Variants in IL36B observed in about 807,000 individuals in gnomAD.
The protein encoded by IL36B is interleukin 36 beta.
IL36B carries 23 observed loss-of-function variants against 19.3 expected under a neutral mutation model. The observed-to-expected ratio is 1.19, with a 90% confidence interval of 0.86 to 1.69. The LOEUF (loss-of-function observed/expected upper bound fraction) is 1.69. Among genes scored for constraint, IL36B ranks in the 40% most tolerant of loss-of-function variants. IL36B has a pLI of 0.00. For missense variants in IL36B, 217 were observed against 200.5 expected (o/e 1.08, Z -0.50); for synonymous variants, 59 against 59.7 (o/e 0.99, Z 0.05).
intron 1 of IL36B, among the ~76,000 whole-genome samples, chr2:113,049,300 A>G (rs1685401526): frequency 6.6e-6 from 1 of 152,224 alleles, no homozygotes; most frequent in Non-Finnish European, 1.5e-5. Flanking sequence ...ACATTGGACT[A>G]CATCAAAATT....
intron 1 of IL36B, among the ~76,000 whole-genome samples, chr2:113,044,929 C>T (rs1685323634): frequency 6.6e-6 from 1 of 152,098 alleles, no homozygotes; most frequent in African/African-American, 2.4e-5. Flanking sequence ...TAATTTGTCA[C>T]AGTCTCCCAT....
chr2:113,050,709 G>GA (rs1193505828), intron 1 of IL36B, among the ~76,000 whole-genome samples: 3 of 152,040 alleles, frequency 2.0e-5, no homozygotes, highest in Non-Finnish European at 4.4e-5. Context: ...ATCAAAAACA[G>GA]CAAAAAGGGA....
intron 1 of IL36B, among the ~76,000 whole-genome samples, chr2:113,042,432 C>T (rs1351687486): frequency 6.6e-6 from 1 of 152,200 alleles, no homozygotes; most frequent in Non-Finnish European, 1.5e-5. Context: ...AAATCATGAA[C>T]ATATTCACCA....
chr2:113,048,373 C>T (rs1401169753), intron 1 of IL36B, among the ~76,000 whole-genome samples: 4 of 152,124 alleles, frequency 2.6e-5, no homozygotes, highest in African/African-American at 4.8e-5. Context: ...ACCCGGGAGG[C>T]GAAGATTGCA....
At position 113,023,611 on chromosome 2, in the gene IL36B, T is replaced by A. The variant is rs189255709; in HGVS notation, c.392-834A>T. 2.4e-3 allele frequency among the ~76,000 whole-genome samples: 364 copies of A among 152,340 alleles called. 4 individuals are homozygous for A. Among genetic ancestry groups the A allele is most frequent in the Non-Finnish European group, 1.4e-3 (95 of 68,026 alleles). ...ACAGTCTTTGCTAGTCTCTGTCTCA[T>A]TTTTAATTGCATCCTTAGTTAAGGA... On this transcript the variant is annotated intron_variant, in intron 5 of 5. Coordinates refer to ENST00000259213, the MANE Select transcript of IL36B (RefSeq NM_014438.5).
chr2:113,026,674 T>C (rs568696532), intron 4 of IL36B, among the ~76,000 whole-genome samples: 1 of 152,312 alleles, frequency 6.6e-6, no homozygotes, highest in East Asian at 1.9e-4. Context: ...GGCTTAAAAG[T>C]ATCCCTATAG....
intron 1 of IL36B, among the ~76,000 whole-genome samples, chr2:113,033,819 G>T (rs1685121538): frequency 6.6e-6 from 1 of 152,108 alleles, no homozygotes; most frequent in African/African-American, 2.4e-5. Flanking sequence ...AGGTCTTGTG[G>T]CTTTCTAACT....
rs192027361 is a variant in IL36B at position 113,034,659 on chromosome 2, A to C, written c.-57-2893T>G. 1.3e-4 allele frequency among the ~76,000 whole-genome samples: 20 copies of C among 152,348 alleles called. 1 individual carries two copies. The Middle Eastern group carries it at 0.01, about 78-fold the overall frequency. On this transcript the variant is annotated intron_variant, in intron 1 of 5. Coordinates refer to ENST00000259213, the MANE Select transcript of IL36B (RefSeq NM_014438.5). Reference sequence around the variant, plus strand: ...AAATAAATGTATGTAGTATCTCATGAATAAGAGGAAGACAGGGAAGAGAAA... The same window carrying C: ...AAATAAATGTATGTAGTATCTCATGCATAAGAGGAAGACAGGGAAGAGAAA...
At chr2:113,022,863 A>T in intron 5 of IL36B, 1 of 857,564 alleles carries the variant, frequency 1.2e-6, no homozygotes, top group East Asian at 2.5e-5. Flanking sequence ...AAAAGGGCAG[A>T]TTCTACACGG....
At chr2:113,048,062 T>C (rs534436293) in intron 1 of IL36B, among the ~76,000 whole-genome samples, 2 of 152,262 alleles carry the variant, frequency 1.3e-5, no homozygotes, top group African/African-American at 2.4e-5. Flanking sequence ...AAGACTGAGA[T>C]CGTCAGATTG....
chr2:113,029,844 C>T (rs774610458), intron 3 of IL36B, among the ~76,000 whole-genome samples: 9 of 152,212 alleles, frequency 5.9e-5, no homozygotes, highest in South Asian at 2.1e-4. Context: ...CCCTGAGGAA[C>T]GCCATCATTT....
chr2:113,022,727 CCTT>C lies in IL36B; in HGVS notation c.439_441del (p.Lys147del), dbSNP rs772685813. 2.5e-6 allele frequency: 4 copies of C among 1,613,398 alleles called. No homozygotes were observed. The highest frequency in any genetic ancestry group is 3.4e-6 in the Non-Finnish European group (4 of 1,179,516). On this transcript the variant is annotated inframe_deletion, in exon 6 of 6. Coordinates refer to ENST00000259213, the MANE Select transcript of IL36B (RefSeq NM_014438.5). ...GTCCGCATGGATGAGAAATCTTTGT[CCTT>C]CTTCCTGAGATGGTGATGTTGAAAG...
At chr2:113,039,479 G>T (rs1346374257) in intron 1 of IL36B, among the ~76,000 whole-genome samples, 1 of 152,170 alleles carries the variant, frequency 6.6e-6, no homozygotes, top group Non-Finnish European at 1.5e-5. Context: ...GGCTCACACT[G>T]ATTTCTCATC....
rs184098411 is a variant in IL36B, at chr2:113,022,120, T to A, written c.*554A>T. On this transcript the variant is annotated 3_prime_UTR_variant, in exon 6 of 6. Coordinates refer to ENST00000259213, the MANE Select transcript of IL36B (RefSeq NM_014438.5). ...GGGAAAAACTAGTTTATTTTACCAG[T>A]GTAAGATTATAGAATTTTTAAGAAG... The A allele has an allele frequency of 6.6e-6, 1 of 152,298 alleles. No homozygotes were observed. Among genetic ancestry groups the A allele is most frequent in the Non-Finnish European group, 1.5e-5 (1 of 68,064 alleles). The allele number at this position is 152,298 out of a possible 1,614,324, so 9.4% of individuals were successfully genotyped here.
intron 1 of IL36B, among the ~76,000 whole-genome samples, chr2:113,045,707 G>T (rs895269429): frequency 4.0e-5 from 6 of 151,560 alleles, no homozygotes; most frequent in Non-Finnish European, 5.9e-5. Flanking sequence ...TTTCTATTTC[G>T]ATGTCCTCAA....
chr2:113,031,811 T>C, intron 1 of IL36B, 45 bp from the exon 2 acceptor site: 2 of 927,240 alleles, frequency 2.2e-6, no homozygotes, highest in Non-Finnish European at 3.4e-6. Flanking sequence ...AGAAACATGT[T>C]ATGCTTTTTT....
chr2:113,027,846 G>C, intron 4 of IL36B: 1 of 1,598,876 alleles, frequency 6.3e-7, no homozygotes, highest in Non-Finnish European at 8.5e-7. Context: ...CTGTTAAGAT[G>C]ACTCTGACAG....
At chr2:113,031,590 A>G in intron 2 of IL36B, 107 bp downstream of exon 2, 3 of 991,470 alleles carry the variant, frequency 3.0e-6, no homozygotes, top group Non-Finnish European at 4.8e-6. Context: ...TTTTAGCAAG[A>G]GCAAATACAT....
chr2:113,048,008 T>C (rs772660971), intron 1 of IL36B, among the ~76,000 whole-genome samples: 5 of 152,170 alleles, frequency 3.3e-5, no homozygotes, highest in Non-Finnish European at 7.3e-5. Context: ...TCCAACCATA[T>C]TAATACTCAA....
Sources: allele counts gnomAD v4.1 joint callset (sites outside exome capture counted in the v4.1 genomes callset), GRCh38; gene constraint gnomAD v4.1.1; transcripts MANE v1.5; gene names NCBI Gene and HGNC (gene_info 2026-07-23, HGNC 2026-07-21).